Variants in AGR3 observed in about 807,000 individuals in gnomAD.
AGR3 encodes anterior gradient protein 3.
A neutral mutation model predicts 24.5 loss-of-function variants in AGR3; 37 were observed. The ratio of observed to expected loss-of-function variants is 1.51; its 90% CI spans 1.16 to 1.99. The LOEUF (loss-of-function observed/expected upper bound fraction) is 1.99, where lower values mean the gene tolerates loss of function less well. Ranked by LOEUF, AGR3 falls within the 30% of genes most tolerant of loss-of-function variation. The pLI is 0.00. For synonymous variants in AGR3, 75 were observed against 61.6 expected (o/e 1.22, Z -1.02); for missense variants, 228 against 191.1 (o/e 1.19, Z -1.14).
At chr7:16,876,752 C>T (rs1056450815) in intron 2 of AGR3, among the ~76,000 whole-genome samples, 1 of 152,114 alleles carries the variant, frequency 6.6e-6, no homozygotes. Context: ...AATAATAGAA[C>T]CTTTAAGTTG....
chr7:16,858,178 G>A (rs1781579337), downstream of AGR3, among the ~76,000 whole-genome samples: 1 of 151,846 alleles, frequency 6.6e-6, no homozygotes, highest in Admixed American at 6.6e-5. Context: ...AATAGAGATG[G>A]GGTTTCACCA....
rs1034500689 is a variant in AGR3 at position 16,878,578 on chromosome 7, A to G, written c.41T>C (p.Val14Ala). The change falls in exon 2 of 8, where the codon GTC becomes GCC. Residue 14 changes from valine to alanine, a missense_variant. Val to Ala is a moderately conservative substitution (Grantham distance 64). Transcript: ENST00000310398. ...AATGGCAAGGTTGGAAGAAACTGTG[A>G]CGAGTAAGAGGCAGAGACCCAAAGC... ...HSALGLCLLL[V>A]TVSSNLAIAI... The G allele has an allele frequency of 6.2e-7, 1 of 1,614,164 alleles. No homozygotes were observed. The highest frequency in any genetic ancestry group is 8.5e-7 in the Non-Finnish European group (1 of 1,180,012).
intron 3 of AGR3, among the ~76,000 whole-genome samples, chr7:16,871,598 T>C (rs1781865598): frequency 2.0e-5 from 3 of 151,942 alleles, no homozygotes; most frequent in Admixed American, 1.3e-4. Flanking sequence ...ATCCCAGCAC[T>C]TTGGGAGGTT....
At chr7:16,864,921 T>A (rs1781725615) in intron 3 of AGR3, 1 of 932,328 alleles carries the variant, frequency 1.1e-6, no homozygotes, top group South Asian at 1.3e-5. Context: ...TATCATCAAT[T>A]TCCATGAAGA....
At chr7:16,880,363 G>T (rs1782086609) in intron 1 of AGR3, among the ~76,000 whole-genome samples, 1 of 151,800 alleles carries the variant, frequency 6.6e-6, no homozygotes, top group Non-Finnish European at 1.5e-5. Context: ...GTTTCACCAT[G>T]TTGGCCAGGC....
At chr7:16,867,180 C>A (rs997404570) in intron 3 of AGR3, among the ~76,000 whole-genome samples, 1 of 151,996 alleles carries the variant, frequency 6.6e-6, no homozygotes, top group South Asian at 2.1e-4. Context: ...ATAATTATAT[C>A]TTTCTAATTT....
Position 16,869,284 on chromosome 7 carries a change from T to C in AGR3, c.173+4496A>G, listed in dbSNP as rs139723659. ...TCTTGGTAAATTAATCTCTGTGTTA[T>C]TATATAATGACCTTCTTTGTTTCTG... On this transcript the variant is annotated intron_variant, in intron 3 of 7. Coordinates refer to ENST00000310398, the MANE Select transcript of AGR3 (RefSeq NM_176813.5). 9.2e-5 allele frequency among the ~76,000 whole-genome samples: 14 copies of C among 152,360 alleles called. No individual in the cohort carries two copies. The East Asian group carries it at 2.7e-3, about 29-fold the overall frequency.
chr7:16,876,118 C>G (rs1781982645), intron 2 of AGR3, among the ~76,000 whole-genome samples: 1 of 152,046 alleles, frequency 6.6e-6, no homozygotes, highest in African/African-American at 2.4e-5. Flanking sequence ...CAATATAATC[C>G]CTATTCTCAA....
intron 3 of AGR3, among the ~76,000 whole-genome samples, chr7:16,870,482 A>G (rs977143396): frequency 1.3e-5 from 2 of 151,890 alleles, no homozygotes; most frequent in Non-Finnish European, 2.9e-5. Flanking sequence ...GGACACTTCT[A>G]TTTGTTTTCC....
intron 2 of AGR3, among the ~76,000 whole-genome samples, chr7:16,877,089 T>G (rs961685586): frequency 1.3e-5 from 2 of 151,904 alleles, no homozygotes; most frequent in African/African-American, 4.8e-5. Context: ...TTTGTTAAAC[T>G]GAAGTAGAGT....
In AGR3 at chr7:16,861,428, T is replaced by C. The variant is rs749906811; in HGVS notation, c.323A>G (p.Asn108Ser). ...LNLMHETTDKNLSPDGQYVPR... is the reference protein window; with the variant it reads ...LNLMHETTDKSLSPDGQYVPR... ...CACATATTGCCCATCAGGTGATAAA[T>C]TCTTATCAGTGGTTTCATGCTAGCA... The change falls in exon 6 of 8, where the codon AAT becomes AGT. Residue 108 changes from asparagine (N) to serine (S), a missense_variant. Asn to Ser is a conservative substitution (Grantham distance 46). Coordinates refer to ENST00000310398, the MANE Select transcript of AGR3 (RefSeq NM_176813.5). 6.2e-7 allele frequency: 1 copy of C among 1,611,710 alleles called. No homozygotes were observed. Among genetic ancestry groups the C allele is most frequent in the Non-Finnish European group, 8.5e-7 (1 of 1,178,728 alleles).
At chr7:16,876,487 T>C (rs1012184675) in intron 2 of AGR3, among the ~76,000 whole-genome samples, 1 of 152,090 alleles carries the variant, frequency 6.6e-6, no homozygotes, top group Non-Finnish European at 1.5e-5. Flanking sequence ...CCTTTTCTCC[T>C]TACTGCCTTC....
downstream of AGR3, among the ~76,000 whole-genome samples, chr7:16,855,102 T>C (rs1781538084): frequency 6.6e-6 from 1 of 152,224 alleles, no homozygotes; most frequent in Admixed American, 6.5e-5. Context: ...ATATCGATCA[T>C]CCCAAACATT....
At chr7:16,878,372 C>G (rs2115318166) in intron 2 of AGR3, 138 bp downstream of exon 2, 1 of 670,246 alleles carries the variant, frequency 1.5e-6, no homozygotes, top group Non-Finnish European at 2.5e-6. Context: ...TTTAAAAAAT[C>G]CATTTTGAAG....
In AGR3 at chr7:16,864,761, C is replaced by T. The variant is rs1337418624; in HGVS notation, c.174-2099G>A. ...TGCGAGGGTCAAAAACTTGATCCTTCTCCTTGGCAATGAGCATATCCTCCG... is the reference window on the plus strand; with the variant it reads ...TGCGAGGGTCAAAAACTTGATCCTTTTCCTTGGCAATGAGCATATCCTCCG... On this transcript the variant is annotated intron_variant, in intron 3 of 7. Coordinates refer to ENST00000310398, the MANE Select transcript of AGR3 (RefSeq NM_176813.5). 4.1e-6 allele frequency: 5 copies of T among 1,212,042 alleles called. No homozygotes were observed. In the African/African-American group the frequency reaches 6.0e-5, roughly 14 times the overall value. The allele number at this position is 1,212,042 out of a possible 1,614,324, so 75.1% of individuals were successfully genotyped here.
chr7:16,881,369 T>C (rs1782113396), intron 1 of AGR3, among the ~76,000 whole-genome samples: 1 of 152,206 alleles, frequency 6.6e-6, no homozygotes, highest in African/African-American at 2.4e-5. Flanking sequence ...ACTTGTACAC[T>C]GTAGATTTTG....
downstream of AGR3, chr7:16,859,391 A>G (rs1332300879): frequency 2.0e-6 from 1 of 508,444 alleles, no homozygotes; most frequent in African/African-American, 1.9e-5. Context: ...ATGAGGCAGA[A>G]ATAAAACTAT....
At chr7:16,859,299 AAT>A (rs1781595896), downstream of AGR3, 1 of 236,934 alleles carries the variant, frequency 4.2e-6, no homozygotes. Context: ...GAGGTGAAGA[AAT>A]AGAGACAAAC....
intron 1 of AGR3, among the ~76,000 whole-genome samples, chr7:16,881,629 A>G (rs1443308517): frequency 6.6e-6 from 1 of 152,252 alleles, no homozygotes; most frequent in Admixed American, 6.5e-5. Flanking sequence ...AGTAACTGAT[A>G]TTATAAGTTC....
Sources: gnomAD v4.1 joint callset for allele counts (sites outside exome capture counted in the v4.1 genomes callset) on GRCh38, gnomAD v4.1.1 for gene constraint, MANE v1.5 for transcripts, NCBI Gene and HGNC (gene_info 2026-07-23, HGNC 2026-07-21) for gene names.